The following ARMC9 variants were observed in gnomAD, a reference collection of about 807,000 sequenced individuals.
ARMC9 encodes the protein lisH domain-containing protein ARMC9.
In ARMC9, 94 loss-of-function variants were observed where a neutral mutation model predicts 107.0. The ratio of observed to expected loss-of-function variants is 0.88; its 90% CI spans 0.74 to 1.04. The LOEUF is 1.04. ARMC9 is among the 50% of genes least tolerant of loss of function. The probability of loss-of-function intolerance (pLI) is 0.00; values close to 1 mark genes in which losing one functional copy is unlikely to be tolerated. For synonymous variants in ARMC9, 380 were observed against 396.9 expected, an observed-to-expected ratio of 0.96 and a Z score of 0.51; for missense variants, 942 against 1,030.1, an observed-to-expected ratio of 0.91 and a Z score of 1.17.
intron 17 of ARMC9, among the ~76,000 whole-genome samples, chr2:231,288,228 A>G (rs1377531210): frequency 6.6e-6 from 1 of 152,216 alleles, no homozygotes; most frequent in Non-Finnish European, 1.5e-5. Context: ...GAACATGAAA[A>G]TGATCATAAA....
intron 21 of ARMC9, among the ~76,000 whole-genome samples, chr2:231,353,616 G>T (rs1202368352): frequency 6.6e-6 from 1 of 151,324 alleles, no homozygotes; most frequent in East Asian, 1.9e-4. Flanking sequence ...AGCCAAGCCA[G>T]AGTCCAGCAG....
At chr2:231,212,808 CT>C (rs1413636220) in intron 3 of ARMC9, among the ~76,000 whole-genome samples, 1 of 152,242 alleles carries the variant, frequency 6.6e-6, no homozygotes, top group Non-Finnish European at 1.5e-5. Flanking sequence ...CGCTAACACA[CT>C]GTCCCTCGCC....
At chr2:231,244,232 G>T (rs1178998896) in intron 9 of ARMC9, among the ~76,000 whole-genome samples, 1 of 152,078 alleles carries the variant, frequency 6.6e-6, no homozygotes, top group East Asian at 1.9e-4. Context: ...AATTCAAAAG[G>T]GCCCATTAAA....
Position 231,214,856 on chromosome 2 carries a change from A to G in ARMC9, c.203A>G (p.Asn68Ser), listed in dbSNP as rs761670797. Residue 68 changes from asparagine to serine, a missense_variant, in exon 4 of 25, where the codon AAC becomes AGC. By Grantham distance (46) the Asn-to-Ser change is conservative (BLOSUM62 1). Transcript: ENST00000611582. ...AAGGATCTTGTCGCTGCATTTGACA[A>G]CGGAGACCAGAAGGTGTTCTTCGAT... Reference protein sequence around the residue: ...IQKDLVAAFDNGDQKVFFDLW... With the variant: ...IQKDLVAAFDSGDQKVFFDLW... The G allele has an allele frequency of 4.3e-6, 7 of 1,613,978 alleles. No homozygotes were observed. The African/African-American group carries it at 6.7e-5, about 15-fold the overall frequency.
chr2:231,362,474 G>A lies in ARMC9; in HGVS notation c.2261+1591G>A, dbSNP rs1476589178. Among the ~76,000 whole-genome samples, 4 of 151,954 alleles carry A rather than the reference G, an allele frequency of 2.6e-5. No homozygotes were observed. The highest frequency in any genetic ancestry group is 1.3e-4 in the Admixed American group (2 of 15,244). ...CTGTTTTCACAGTAGGTAGGCAGCC[G>A]ACCCTGAGGGACCTCATTACATCAA... On this transcript the variant is annotated intron_variant, in intron 23 of 24. Coordinates refer to ENST00000611582, the MANE Select transcript of ARMC9 (RefSeq NM_001352754.2). The surrounding 1 kb of genome is among the most constrained non-coding windows in gnomAD (Gnocchi z 4.7).
intron 19 of ARMC9, among the ~76,000 whole-genome samples, chr2:231,310,805 AG>A (rs945209141): frequency 5.9e-5 from 9 of 151,806 alleles, no homozygotes; most frequent in Non-Finnish European, 1.2e-4. Context: ...TAAGGGGAAA[AG>A]CAGAGTAAGT....
At chr2:231,272,397 G>A (rs930551148) in intron 13 of ARMC9, among the ~76,000 whole-genome samples, 6 of 152,116 alleles carry the variant, frequency 3.9e-5, no homozygotes, top group Non-Finnish European at 8.8e-5. Flanking sequence ...GTTACGCCCT[G>A]TTGCCCAGGC....
At chr2:231,221,356 T>C (rs1474764993) in intron 5 of ARMC9, among the ~76,000 whole-genome samples, 3 of 152,146 alleles carry the variant, frequency 2.0e-5, no homozygotes, top group Non-Finnish European at 2.9e-5. Flanking sequence ...AGTGTGACCT[T>C]ATCTTAACTT....
chr2:231,305,997 T>A (rs1025930116), intron 19 of ARMC9, among the ~76,000 whole-genome samples: 3 of 152,354 alleles, frequency 2.0e-5, no homozygotes, highest in South Asian at 4.1e-4. Context: ...CCAACTTAAC[T>A]GACGTTTACA....
chr2:231,280,321 G>C (rs988904455), intron 16 of ARMC9, among the ~76,000 whole-genome samples: 5 of 152,158 alleles, frequency 3.3e-5, no homozygotes, highest in African/African-American at 9.7e-5. Flanking sequence ...AGCCAGGCAT[G>C]GTGGCTTGTG....
At chr2:231,287,516 C>G (rs180676274) in intron 17 of ARMC9, among the ~76,000 whole-genome samples, 1 of 152,212 alleles carries the variant, frequency 6.6e-6, no homozygotes, top group Non-Finnish European at 1.5e-5. Flanking sequence ...TTCCGTGATG[C>G]TCACTAGGTA....
Position 231,215,014 on chromosome 2 carries a change from G to A in ARMC9, c.348+13G>A, listed in dbSNP as rs780579882. The A allele has an allele frequency of 8.1e-6, 13 of 1,613,242 alleles. No individual in the cohort carries two copies. The Admixed American group carries it at 2.0e-4, about 25-fold the overall frequency. On this transcript the variant is annotated intron_variant, in intron 4 of 24. Transcript: ENST00000611582. Reference sequence around the variant, plus strand: ...TGTGGGGAGACCGGTGGGTTTACCTGGTGATGCGGGTGGGTCTGAGTGGTG... The same window carrying A: ...TGTGGGGAGACCGGTGGGTTTACCTAGTGATGCGGGTGGGTCTGAGTGGTG...
chr2:231,267,924 C>T (rs1341983294), intron 12 of ARMC9, among the ~76,000 whole-genome samples: 1 of 152,136 alleles, frequency 6.6e-6, no homozygotes, highest in Non-Finnish European at 1.5e-5. Flanking sequence ...CAAGAATATT[C>T]ATAGCTGCAG....
chr2:231,302,864 C>T (rs1450196861), intron 19 of ARMC9, among the ~76,000 whole-genome samples: 3 of 152,012 alleles, frequency 2.0e-5, no homozygotes, highest in African/African-American at 7.2e-5. Context: ...ATTAGCTGGG[C>T]ATCGTGGTGT....
chr2:231,335,690 C>T (rs568494862), intron 20 of ARMC9, among the ~76,000 whole-genome samples: 4 of 152,170 alleles, frequency 2.6e-5, no homozygotes, highest in African/African-American at 7.2e-5. Context: ...AGGCTGTGAA[C>T]GTCAGAGTTC....
chr2:231,311,439 T>A (rs1575040282), intron 19 of ARMC9, among the ~76,000 whole-genome samples: 1 of 152,118 alleles, frequency 6.6e-6, no homozygotes, highest in African/African-American at 2.4e-5. Flanking sequence ...GTGGGGTAGG[T>A]ATTTGCTGAC....
At chr2:231,259,137 C>A in intron 11 of ARMC9, 35 bp downstream of exon 11, 1 of 1,548,104 alleles carries the variant, frequency 6.5e-7, no homozygotes, top group Non-Finnish European at 8.9e-7. Context: ...GAAAACAAAA[C>A]CAAACCAGTG....
chr2:231,292,083 G>T (rs1016200404), intron 18 of ARMC9, among the ~76,000 whole-genome samples: 42 of 150,914 alleles, frequency 2.8e-4, no homozygotes, highest in Admixed American at 5.9e-4. Flanking sequence ...CAGGAGAATC[G>T]CTTGAACCTG....
intron 20 of ARMC9, among the ~76,000 whole-genome samples, chr2:231,338,246 T>A (rs1335001103): frequency 6.6e-6 from 1 of 151,464 alleles, no homozygotes; most frequent in Non-Finnish European, 1.5e-5. Flanking sequence ...TTTAAAACAG[T>A]CTTGCTCTGC....
Sources: gnomAD v4.1 joint callset for allele counts (sites outside exome capture counted in the v4.1 genomes callset) on GRCh38, gnomAD v4.1.1 for gene constraint, Gnocchi (gnomAD v3.1) non-coding constraint, MANE v1.5 for transcripts, NCBI Gene and HGNC (gene_info 2026-07-23, HGNC 2026-07-21) for gene names.